The following GAPVD1 variants were observed in gnomAD, a reference collection of about 807,000 sequenced individuals.
GAPVD1 encodes GTPase-activating protein and VPS9 domain-containing protein 1.
In GAPVD1, 35 loss-of-function variants were observed where a neutral mutation model predicts 155.5. That is an observed-to-expected ratio of 0.23 (90% CI 0.17 to 0.30). The LOEUF (loss-of-function observed/expected upper bound fraction) is 0.30. Ranked by LOEUF, GAPVD1 falls within the 10% of genes least tolerant of loss-of-function variation. The pLI is 1.00. For synonymous variants in GAPVD1, 636 were observed against 619.7 expected (o/e 1.03, Z -0.39); for missense variants, 1,429 against 1,775.7 (o/e 0.80, Z 3.51).
At chr9:125,340,943 A>G (rs913671435) in intron 17 of GAPVD1, among the ~76,000 whole-genome samples, 3 of 152,208 alleles carry the variant, frequency 2.0e-5, no homozygotes, top group Admixed American at 2.0e-4. Context: ...TTAGCTGGGC[A>G]TGGTGGTGTG....
At chr9:125,325,951 A>G (rs954105044) in intron 11 of GAPVD1, among the ~76,000 whole-genome samples, 4 of 152,344 alleles carry the variant, frequency 2.6e-5, no homozygotes, top group Middle Eastern at 3.4e-3. Context: ...GTCTCACTCT[A>G]TCACATCCAG....
At chr9:125,300,986 C>T (rs904791265) in intron 4 of GAPVD1, among the ~76,000 whole-genome samples, 2 of 151,906 alleles carry the variant, frequency 1.3e-5, no homozygotes, top group Non-Finnish European at 2.9e-5. Context: ...ATGCTGATAT[C>T]GACTTCATTT....
chr9:125,312,748 T>C (rs1156936093), intron 9 of GAPVD1, 136 bp downstream of exon 9: 2 of 588,780 alleles, frequency 3.4e-6, no homozygotes, highest in Non-Finnish European at 5.8e-6. Context: ...AGGAAGTCTA[T>C]AGTCAAGGCA....
intron 2 of GAPVD1, among the ~76,000 whole-genome samples, chr9:125,288,373 G>A (rs1396571616): frequency 6.6e-6 from 1 of 152,096 alleles, no homozygotes; most frequent in East Asian, 1.9e-4. Flanking sequence ...GCCTCCCAAA[G>A]TGCTGGGATT....
At chr9:125,361,891 A>G (rs1850972047) in intron 27 of GAPVD1, among the ~76,000 whole-genome samples, 1 of 152,218 alleles carries the variant, frequency 6.6e-6, no homozygotes, top group Admixed American at 6.5e-5. Context: ...GTTGCTGTCT[A>G]AAGTGTGTGT....
intron 2 of GAPVD1, among the ~76,000 whole-genome samples, chr9:125,283,803 T>C (rs1837192652): frequency 6.6e-6 from 1 of 152,202 alleles, no homozygotes; most frequent in Non-Finnish European, 1.5e-5. Context: ...TTAGAGACCT[T>C]CTCTTTAGTC....
At chr9:125,340,465 A>AGTCTCATATTTTTT (rs1847692161) in intron 17 of GAPVD1, among the ~76,000 whole-genome samples, 3 of 152,084 alleles carry the variant, frequency 2.0e-5, no homozygotes, top group Non-Finnish European at 4.4e-5. Flanking sequence ...ACCTTTCTTT[A>AGTCTCATATTTTTT]GTCTCATATT....
At chr9:125,359,683 T>C in intron 26 of GAPVD1, 191 bp downstream of exon 26, 1 of 533,208 alleles carries the variant, frequency 1.9e-6, no homozygotes, top group Non-Finnish European at 3.3e-6. Flanking sequence ...TGGTATGAAA[T>C]AGTAGAAAGC....
intron 11 of GAPVD1, among the ~76,000 whole-genome samples, chr9:125,324,685 C>T (rs1443223822): frequency 6.6e-6 from 1 of 152,026 alleles, no homozygotes; most frequent in Non-Finnish European, 1.5e-5. Context: ...ATAGGTCATT[C>T]TAGGTGAAGG....
rs1213078323 is a variant in GAPVD1, at chr9:125,348,020, A to AGT, written c.3169+1092_3169+1093dup. On this transcript the variant is annotated intron_variant, in intron 20 of 27. Coordinates refer to ENST00000297933, the MANE Select transcript of GAPVD1 (RefSeq NM_001282680.3). ...TTGCCACGTTCCGCCATATATAGAG[A>AGT]GTGTGTGTGTGTGTATATATATATG... Among the ~76,000 whole-genome samples, 624 of 151,106 alleles carry AGT rather than the reference A, an allele frequency of 4.1e-3. 2 individuals are homozygous for AGT. The highest frequency in any genetic ancestry group is 0.01 in the African/African-American group (420 of 41,132).
intron 12 of GAPVD1, among the ~76,000 whole-genome samples, chr9:125,326,862 T>G (rs1437466043): frequency 2.0e-5 from 3 of 152,100 alleles, no homozygotes; most frequent in African/African-American, 7.2e-5. Flanking sequence ...ACCAGTGTTT[T>G]GAATTAGCTT....
chr9:125,337,703 G>A, intron 17 of GAPVD1, 112 bp downstream of exon 17: 1 of 1,066,910 alleles, frequency 9.4e-7, no homozygotes, highest in Non-Finnish European at 1.3e-6. Flanking sequence ...GAGTAGTCAT[G>A]ATTAAAGATG....
Position 125,349,593 on chromosome 9 carries a change from G to C in GAPVD1, c.3299+74G>C. On this transcript the variant is annotated intron_variant, in intron 21 of 27. Coordinates refer to ENST00000297933, the MANE Select transcript of GAPVD1 (RefSeq NM_001282680.3). ...CCATTGCAGTCACGTCAAGTCAAGT[G>C]ATGTTTTGAGTCAATAAATGTATAA... 3.1e-6 allele frequency: 4 copies of C among 1,278,482 alleles called. No homozygotes were observed. In the South Asian group the frequency reaches 3.8e-5, roughly 12 times the overall value. The allele number at this position is 1,278,482 out of a possible 1,614,324, so 79.2% of individuals were successfully genotyped here. A position where few individuals can be genotyped will look rare whatever the true frequency, so the allele number is the denominator to read the frequency against.
chr9:125,346,563 C>G (rs1482441274), intron 19 of GAPVD1: 1 of 526,250 alleles, frequency 1.9e-6, no homozygotes, highest in Non-Finnish European at 3.5e-6. Flanking sequence ...TCAGTCTGCC[C>G]TGAACTTTGA....
Position 125,312,501 on chromosome 9 carries a change from C to A in GAPVD1, c.1491C>A (p.Asp497Glu), listed in dbSNP as rs1378877353. 1 of 1,606,048 alleles carries A rather than the reference C, an allele frequency of 6.2e-7. No individual in the cohort carries two copies. Among genetic ancestry groups the A allele is most frequent in the South Asian group, 1.1e-5 (1 of 89,636 alleles). Residue 497 changes from aspartate (D) to glutamate (E), a missense_variant, in exon 9 of 28, where the codon GAC becomes GAA. Asp to Glu is a conservative substitution (Grantham distance 45). This residue lies in a region of GAPVD1 where 628 missense variants were observed against 733.4 expected (regional missense o/e 0.86). Transcript: ENST00000297933. The part of the protein sequence containing the change: ...RTNMLMDLHM[D>E]HEGSSQETIQ... ...ATATGCTAATGGACCTACATATGGA[C>A]CATGAAGGATCATCTCAAGAAACCA... is the stretch of plus-strand genomic sequence containing the variant.
At chr9:125,318,695 T>C (rs966937791) in intron 9 of GAPVD1, among the ~76,000 whole-genome samples, 12 of 152,060 alleles carry the variant, frequency 7.9e-5, no homozygotes, top group African/African-American at 2.7e-4. Context: ...GGTGAGAGGA[T>C]TGCTTGAAAC....
intron 2 of GAPVD1, among the ~76,000 whole-genome samples, chr9:125,286,529 G>GA (rs1364524372): frequency 6.6e-6 from 1 of 151,722 alleles, no homozygotes; most frequent in African/African-American, 2.4e-5. Flanking sequence ...TGAATTTCAG[G>GA]AAAAAATTAT....
At chr9:125,307,084 G>A (rs546491377) in intron 6 of GAPVD1, among the ~76,000 whole-genome samples, 1 of 152,102 alleles carries the variant, frequency 6.6e-6, no homozygotes, top group East Asian at 1.9e-4. Flanking sequence ...TGTCCAACAT[G>A]GCAAAACCCC....
chr9:125,328,159 T>C (rs1423721699), intron 12 of GAPVD1, among the ~76,000 whole-genome samples: 3 of 151,890 alleles, frequency 2.0e-5, no homozygotes, highest in Admixed American at 2.0e-4. Context: ...TACTTTCGAT[T>C]TGTATTTTTA....
Sources: allele counts gnomAD v4.1 joint callset (sites outside exome capture counted in the v4.1 genomes callset), GRCh38; gene constraint gnomAD v4.1.1; regional missense constraint gnomAD v4.1.1; transcripts MANE v1.5; gene names NCBI Gene and HGNC (gene_info 2026-07-23, HGNC 2026-07-21).